CLK4: variants seen among roughly 807,000 people sequenced by gnomAD.
CLK4 encodes the protein CDC like kinase 4, also known as dual specificity protein kinase CLK4.
CLK4 carries 37 observed loss-of-function variants against 64.4 expected under a neutral mutation model. The ratio of observed to expected loss-of-function variants is 0.57; its 90% CI spans 0.44 to 0.76. The LOEUF (loss-of-function observed/expected upper bound fraction) is 0.76. CLK4 is among the 30% of genes least tolerant of loss of function. The pLI, the probability that CLK4 is intolerant of heterozygous loss-of-function variation, is 0.00. For synonymous variants in CLK4, 175 were observed against 191.6 expected (o/e 0.91, Z 0.72); for missense variants, 457 against 605.1 (o/e 0.76, Z 2.57).
chr5:178,618,642 G>A lies in CLK4; in HGVS notation c.298C>T (p.His100Tyr), dbSNP rs1764661952. The A allele has an allele frequency of 1.2e-6, 2 of 1,613,866 alleles. No homozygotes were observed. The highest frequency in any genetic ancestry group is 1.3e-5 in the African/African-American group (1 of 74,892). Residue 100 changes from histidine (H) to tyrosine (Y), a missense_variant, in exon 3 of 13, where the codon CAC becomes TAC. By Grantham distance (83) the His-to-Tyr change is moderately conservative. Coordinates refer to ENST00000316308, the MANE Select transcript of CLK4 (RefSeq NM_020666.3). The part of the protein sequence containing the change: ...HRDIESGYRI[H>Y]CSKSSVRSRR... ...CTGCGGACTGAAGATTTACTGCAGT[G>A]GATTCGATACCCGCTTTCAATGTCT...
chr5:178,621,490 T>C (rs1764705682), intron 2 of CLK4, among the ~76,000 whole-genome samples: 1 of 152,172 alleles, frequency 6.6e-6, no homozygotes, highest in African/African-American at 2.4e-5. Context: ...GGTTAAAATA[T>C]TGTAATAAAA....
In CLK4 at chr5:178,612,564, G is replaced by C; in HGVS notation, c.922-19C>G. ...CACGTTTCTAGAGAGACACAGTTGA[G>C]TAAACATGAAACTCAATAGATACAT... On this transcript the variant is annotated intron_variant, in intron 8 of 12. Coordinates refer to ENST00000316308, the MANE Select transcript of CLK4 (RefSeq NM_020666.3). 1.2e-6 allele frequency: 2 copies of C among 1,611,212 alleles called. No individual in the cohort carries two copies. The highest frequency in any genetic ancestry group is 1.7e-6 in the Non-Finnish European group (2 of 1,178,244).
chr5:178,604,266 T>C (rs1331672790), intron 11 of CLK4: 1 of 175,938 alleles, frequency 5.7e-6, no homozygotes, highest in Non-Finnish European at 1.2e-5. Flanking sequence ...ACTCCCTCGG[T>C]GGCTTCTGCG....
chr5:178,612,707 G>T, intron 8 of CLK4, 89 bp downstream of exon 8: 1 of 1,060,046 alleles, frequency 9.4e-7, no homozygotes, highest in Non-Finnish European at 1.4e-6. Context: ...ATATAATAAG[G>T]CTCAGAAGTG....
chr5:178,617,078 CAAAT>C lies in CLK4; in HGVS notation c.476-134_476-131del. ...AAAGCATAACTAAGGTTTCAGCACT[CAAAT>C]TATTTTAGTTTCAGCTGCTACAAAA... On this transcript the variant is annotated intron_variant, in intron 4 of 12. Transcript: ENST00000316308. This position sits in a 1 kb window ranked among gnomAD's most constrained non-coding sequence, Gnocchi z 5.2. The C allele has an allele frequency of 1.4e-6, 1 of 705,088 alleles. No homozygotes were observed. The allele number at this position is 705,088 out of a possible 1,614,324, so 43.7% of individuals were successfully genotyped here.
rs370673005 is a variant in CLK4 at position 178,618,737 on chromosome 5, C to T, written c.203G>A (p.Arg68Gln). The T allele has an allele frequency of 1.6e-5, 26 of 1,613,494 alleles. No individual in the cohort carries two copies. The African/African-American group carries it at 2.4e-4, about 15-fold the overall frequency. The stretch of plus-strand genomic sequence containing the variant: ...GTATTCGTCAACGTATCTCCGGTCC[C>T]GATAATCTCGCTCATTCAAGGACCT... ...EARSLNERDY[R>Q]DRRYVDEYRN... The change falls in exon 3 of 13, where the codon CGG becomes CAG. Residue 68 changes from arginine to glutamine, a missense_variant. Transcript: ENST00000316308.
chr5:178,624,455 C>T (rs1186846976), intron 1 of CLK4, among the ~76,000 whole-genome samples: 1 of 152,162 alleles, frequency 6.6e-6, no homozygotes, highest in Non-Finnish European at 1.5e-5. Flanking sequence ...TACAAGGATG[C>T]ACACTGAAGC....
At chr5:178,624,990 T>C (rs1764759082) in intron 1 of CLK4, among the ~76,000 whole-genome samples, 1 of 152,182 alleles carries the variant, frequency 6.6e-6, no homozygotes, top group African/African-American at 2.4e-5. Context: ...TCAGCTCACT[T>C]TACAGAGGAA....
At chr5:178,619,830 C>G in intron 2 of CLK4, 1 of 1,285,060 alleles carries the variant, frequency 7.8e-7, no homozygotes, top group Non-Finnish European at 1.0e-6. Flanking sequence ...TCCCGTCCCC[C>G]TCTCTACCTG....
Position 178,617,014 on chromosome 5 carries a change from G to T in CLK4, c.476-66C>A. The stretch of plus-strand genomic sequence containing the variant: ...CAAACTGTCTAGTTCTTCAAACAAT[G>T]AATGCTTAAGTGTGGAATATTTTCA... On this transcript the variant is annotated intron_variant, in intron 4 of 12. Coordinates refer to ENST00000316308, the MANE Select transcript of CLK4 (RefSeq NM_020666.3). The surrounding 1 kb of genome is among the most constrained non-coding windows in gnomAD (Gnocchi z 5.2). The T allele has an allele frequency of 9.8e-7, 1 of 1,020,658 alleles. No individual in the cohort carries two copies. Among genetic ancestry groups the T allele is most frequent in the Non-Finnish European group, 1.5e-6 (1 of 650,380 alleles). 63.2% of individuals were successfully genotyped at this position (1,020,658 alleles called of 1,614,324 possible). A position where few individuals can be genotyped will look rare whatever the true frequency, so the allele number is the denominator to read the frequency against.
At position 178,605,726 on chromosome 5, in the gene CLK4, A is replaced by G. The variant is rs115744333; in HGVS notation, c.1135-344T>C. The G allele has an allele frequency of 1.7e-3, 271 of 163,342 alleles. 2 individuals carry two copies. Among genetic ancestry groups the G allele is most frequent in the African/African-American group, 6.0e-3 (252 of 42,070 alleles). The allele number at this position is 163,342 out of a possible 1,614,324, so 10.1% of individuals were successfully genotyped here. ...TACCTCAAAGTCATATAGCTCATAT[A>G]TGAGGAAAGTTAAGCTATCAACCCA... is the stretch of plus-strand genomic sequence containing the variant. On this transcript the variant is annotated intron_variant, in intron 10 of 12. Transcript: ENST00000316308.
chr5:178,606,441 C>T (rs1034040351), intron 10 of CLK4, among the ~76,000 whole-genome samples: 6 of 152,062 alleles, frequency 3.9e-5, no homozygotes, highest in Admixed American at 2.0e-4. Context: ...AGAAATCTGG[C>T]GAGGTGCCCC....
At chr5:178,609,368 G>C (rs1200194261) in intron 9 of CLK4, among the ~76,000 whole-genome samples, 3 of 152,124 alleles carry the variant, frequency 2.0e-5, no homozygotes, top group Admixed American at 6.6e-5. Context: ...TCCAGTGTCT[G>C]TCATTTGAAC....
At chr5:178,619,296 A>G (rs1379917550) in intron 2 of CLK4, among the ~76,000 whole-genome samples, 1 of 152,248 alleles carries the variant, frequency 6.6e-6, no homozygotes, top group East Asian at 1.9e-4. Flanking sequence ...AAAATGATTT[A>G]CCAAGGTTGT....
chr5:178,616,326 A>G (rs1311784364), intron 5 of CLK4, among the ~76,000 whole-genome samples: 2 of 152,098 alleles, frequency 1.3e-5, no homozygotes, highest in African/African-American at 4.8e-5. Flanking sequence ...TTGAACTCCC[A>G]ACCTCAGGTG....
chr5:178,617,483 T>G lies in CLK4; in HGVS notation c.385-49A>C. 6.7e-7 allele frequency: 1 copy of G among 1,496,392 alleles called. No individual in the cohort carries two copies. The highest frequency in any genetic ancestry group is 9.3e-7 in the Non-Finnish European group (1 of 1,075,818). 92.7% of individuals were successfully genotyped at this position (1,496,392 alleles called of 1,614,324 possible). On this transcript the variant is annotated intron_variant, in intron 3 of 12. Coordinates refer to ENST00000316308, the MANE Select transcript of CLK4 (RefSeq NM_020666.3). The surrounding 1 kb of genome is among the most constrained non-coding windows in gnomAD (Gnocchi z 5.2). ...CAAGATCGTCCAGCCAATCAATATA[T>G]CAGAGTGAATTCAGGGCAGAATACG...
intron 8 of CLK4, 86 bp downstream of exon 8, chr5:178,612,710 C>T (rs770737225): frequency 1.9e-5 from 20 of 1,074,104 alleles, no homozygotes; most frequent in Non-Finnish European, 2.6e-5. Context: ...TAATAAGGCT[C>T]AGAAGTGAAA....
intron 7 of CLK4, 30 bp from the exon 8 acceptor site, chr5:178,612,920 T>C: frequency 8.6e-7 from 1 of 1,165,434 alleles, no homozygotes; most frequent in Non-Finnish European, 1.3e-6. Context: ...CATTATTAGT[T>C]TCACTTACAA....
chr5:178,608,256 GT>G, intron 10 of CLK4, 119 bp downstream of exon 10: 2 of 667,694 alleles, frequency 3.0e-6, no homozygotes, highest in Non-Finnish European at 2.5e-6. Context: ...TTTTGCCTAA[GT>G]TTTAATCTCA....
Sources: allele counts gnomAD v4.1 joint callset (sites outside exome capture counted in the v4.1 genomes callset), GRCh38; gene constraint gnomAD v4.1.1; non-coding constraint Gnocchi (gnomAD v3.1); transcripts MANE v1.5; gene names NCBI Gene and HGNC (gene_info 2026-07-23, HGNC 2026-07-21).